USP21: variants seen among roughly 807,000 people sequenced by gnomAD.
USP21 encodes the protein ubiquitin specific peptidase 21, also known as ubiquitin carboxyl-terminal hydrolase 21.
In USP21, 37 loss-of-function variants were observed where a neutral mutation model predicts 70.8. The ratio of observed to expected loss-of-function variants is 0.52; its 90% CI spans 0.40 to 0.69. USP21 has a LOEUF of 0.69. USP21 is among the 30% of genes least tolerant of loss of function. USP21 has a pLI of 0.00. For missense variants in USP21, 584 were observed against 740.8 expected (o/e 0.79, Z 2.46); for synonymous variants, 263 against 283.1 (o/e 0.93, Z 0.71).
rs1437118363 is a variant in USP21, at chr1:161,160,600, A to G, written c.-21-20A>G. 6.3e-7 allele frequency: 1 copy of G among 1,587,082 alleles called. No individual in the cohort carries two copies. On this transcript the variant is annotated intron_variant, in intron 2 of 13. Coordinates refer to ENST00000368002, the MANE Select transcript of USP21 (RefSeq NM_001014443.3). ...CATTTCCCCCCATATTCAAATGCTG[A>G]CACTCTCTTCTCCTCCCAGGTCCAG... is the stretch of plus-strand genomic sequence containing the variant.
rs371627593 is a variant in USP21 at position 161,164,965 on chromosome 1, T to G, written c.1492+23T>G. Reference sequence around the variant, plus strand: ...CCGGTGAGTCTGGTGGGGAAAGTCCTAAGGAGCCAAAGGAGTGGGGGCACA... The same window carrying G: ...CCGGTGAGTCTGGTGGGGAAAGTCCGAAGGAGCCAAAGGAGTGGGGGCACA... On this transcript the variant is annotated intron_variant, in intron 12 of 13. Coordinates refer to ENST00000368002, the MANE Select transcript of USP21 (RefSeq NM_001014443.3). The surrounding 1 kb of genome is among the most constrained non-coding windows in gnomAD (Gnocchi z 4.2). 1.9e-6 allele frequency: 3 copies of G among 1,613,612 alleles called. No individual in the cohort carries two copies. The highest frequency in any genetic ancestry group is 2.5e-6 in the Non-Finnish European group (3 of 1,179,624).
In USP21 at chr1:161,162,748, G is replaced by T; in HGVS notation, c.893+22G>T. ...ACAGGTGGGAGAGCTGGAGGCTATG[G>T]GATTTCTCTCTGGCCATGTCTGGGG... On this transcript the variant is annotated intron_variant, in intron 6 of 13. Coordinates refer to ENST00000368002, the MANE Select transcript of USP21 (RefSeq NM_001014443.3). This position sits in a 1 kb window ranked among gnomAD's most constrained non-coding sequence, Gnocchi z 4.1. 6.2e-7 allele frequency: 1 copy of T among 1,601,338 alleles called. No individual in the cohort carries two copies. Among genetic ancestry groups the T allele is most frequent in the Non-Finnish European group, 8.6e-7 (1 of 1,168,380 alleles).
intron 1 of USP21, 122 bp from the exon 2 acceptor site, chr1:161,160,244 A>T (rs936942085): frequency 5.0e-6 from 1 of 199,618 alleles, no homozygotes; most frequent in African/African-American, 2.3e-5. Flanking sequence ...TTCAGTAAAG[A>T]TGTGTTCTGC....
Position 161,163,881 on chromosome 1 carries a change from T to C in USP21, c.1118T>C (p.Leu373Pro). The change falls in exon 9 of 14, where the codon CTG becomes CCG. Residue 373 changes from leucine to proline, a missense_variant. Transcript: ENST00000368002. The stretch of plus-strand genomic sequence containing the variant: ...CTGTCCCTGTGCTTCTGTCTAGACC[T>C]GTTTGTGGGCCAGTTGAAAAGTTGT... ...LEREDSKIVDLFVGQLKSCLK... is the reference protein window; with the variant it reads ...LEREDSKIVDPFVGQLKSCLK... The C allele has an allele frequency of 6.2e-7, 1 of 1,613,864 alleles. No individual in the cohort carries two copies. The highest frequency in any genetic ancestry group is 8.5e-7 in the Non-Finnish European group (1 of 1,179,794).
In USP21 at chr1:161,162,455, C is replaced by A; in HGVS notation, c.781+65C>A. 6.4e-7 allele frequency: 1 copy of A among 1,567,142 alleles called. No homozygotes were observed. The highest frequency in any genetic ancestry group is 8.7e-7 in the Non-Finnish European group (1 of 1,154,284). Reference sequence around the variant, plus strand: ...TTTCCCCAACCACTTGCAGGTCCATCTGCCACTGGTGGTGGCCCCCAACCC... The same window carrying A: ...TTTCCCCAACCACTTGCAGGTCCATATGCCACTGGTGGTGGCCCCCAACCC... On this transcript the variant is annotated intron_variant, in intron 5 of 13. Coordinates refer to ENST00000368002, the MANE Select transcript of USP21 (RefSeq NM_001014443.3). This position sits in a 1 kb window ranked among gnomAD's most constrained non-coding sequence, Gnocchi z 4.1.
In USP21 at chr1:161,164,826, A is replaced by G; in HGVS notation, c.1385-9A>G. ...ACTGCCTCCCAAATGCTCCTTAACC[A>G]GGGCTTAGATCTGAATCGATTTTCT... On this transcript the variant is annotated splice_polypyrimidine_tract_variant and intron_variant, in intron 11 of 13. Coordinates refer to ENST00000368002, the MANE Select transcript of USP21 (RefSeq NM_001014443.3). This position sits in a 1 kb window ranked among gnomAD's most constrained non-coding sequence, Gnocchi z 4.2. 3 of 1,612,242 alleles carry G rather than the reference A, an allele frequency of 1.9e-6. No homozygotes were observed. The highest frequency in any genetic ancestry group is 2.5e-6 in the Non-Finnish European group (3 of 1,179,024).
rs1361631774 is a variant in USP21 at position 161,162,925 on chromosome 1, G to A, written c.900G>A (p.Gln300=). Residue 300 remains glutamine, a synonymous_variant, in exon 7 of 14, where the codon CAG becomes CAA. Coordinates refer to ENST00000368002, the MANE Select transcript of USP21 (RefSeq NM_001014443.3). The surrounding 1 kb of genome is among the most constrained non-coding windows in gnomAD (Gnocchi z 4.1). ...YVPSFSGYSQ[Q]DAQEFLKLLM... is the part of the protein sequence containing the mutation. The stretch of plus-strand genomic sequence containing the variant: ...ACTCTTTGTCTGGCTGTAGCCAGCA[G>A]GATGCCCAAGAGTTCCTGAAGCTCC... The A allele has an allele frequency of 6.2e-7, 1 of 1,609,424 alleles. No individual in the cohort carries two copies. Among genetic ancestry groups the A allele is most frequent in the Admixed American group, 1.7e-5 (1 of 58,852 alleles).
At position 161,163,084 on chromosome 1, in the gene USP21, G is replaced by A. The variant is rs527577509; in HGVS notation, c.1049+10G>A. On this transcript the variant is annotated intron_variant, in intron 7 of 13. Coordinates refer to ENST00000368002, the MANE Select transcript of USP21 (RefSeq NM_001014443.3). ...AAGAACCTGAGTTAAGGTAAGGGTCGTTCCCTCTACCTCCTTTCCCCGTAG... is the reference window on the plus strand; with the variant it reads ...AAGAACCTGAGTTAAGGTAAGGGTCATTCCCTCTACCTCCTTTCCCCGTAG... 5.0e-6 allele frequency: 8 copies of A among 1,584,816 alleles called. No homozygotes were observed. Among genetic ancestry groups the A allele is most frequent in the East Asian group, 4.5e-5 (2 of 44,642 alleles).
Position 161,162,448 on chromosome 1 carries a change from G to C in USP21, c.781+58G>C, listed in dbSNP as rs1658001359. On this transcript the variant is annotated intron_variant, in intron 5 of 13. Transcript: ENST00000368002. This position sits in a 1 kb window ranked among gnomAD's most constrained non-coding sequence, Gnocchi z 4.1. ...GTCCCTTTTTCCCCAACCACTTGCA[G>C]GTCCATCTGCCACTGGTGGTGGCCC... is the stretch of plus-strand genomic sequence containing the variant. 6.4e-7 allele frequency: 1 copy of C among 1,567,328 alleles called. No individual in the cohort carries two copies. The highest frequency in any genetic ancestry group is 8.7e-7 in the Non-Finnish European group (1 of 1,154,822).
In USP21 at chr1:161,163,870, C is replaced by T. The variant is rs1558005534; in HGVS notation, c.1115-8C>T. ...GACCTTTTCTCCTGTCCCTGTGCTT[C>T]TGTCTAGACCTGTTTGTGGGCCAGT... On this transcript the variant is annotated splice_region_variant and splice_polypyrimidine_tract_variant and intron_variant, in intron 8 of 13. Transcript: ENST00000368002. The T allele has an allele frequency of 1.9e-6, 3 of 1,612,244 alleles. No homozygotes were observed. Among genetic ancestry groups the T allele is most frequent in the Non-Finnish European group, 2.5e-6 (3 of 1,178,270 alleles).
chr1:161,162,412 C>T lies in USP21; in HGVS notation c.781+22C>T, dbSNP rs748755953. The T allele has an allele frequency of 1.2e-5, 19 of 1,587,786 alleles. No homozygotes were observed. The African/African-American group carries it at 2.2e-4, about 18-fold the overall frequency. Reference sequence around the variant, plus strand: ...GAAGGTGGGGCAACAACTCCTGCTCCCTCTGTTCAAGTCCCTTTTTCCCCA... The same window carrying T: ...GAAGGTGGGGCAACAACTCCTGCTCTCTCTGTTCAAGTCCCTTTTTCCCCA... On this transcript the variant is annotated intron_variant, in intron 5 of 13. Transcript: ENST00000368002. This position sits in a 1 kb window ranked among gnomAD's most constrained non-coding sequence, Gnocchi z 4.1.
chr1:161,163,527 G>T (rs201152595), intron 7 of USP21, 28 bp from the exon 8 acceptor site: 4 of 1,611,804 alleles, frequency 2.5e-6, no homozygotes, highest in Non-Finnish European at 3.4e-6. Flanking sequence ...TCTCATGGGT[G>T]CTCCCCACTT....
Position 161,164,754 on chromosome 1 carries a change from G to C in USP21, c.1385-81G>C, listed in dbSNP as rs1156299534. The C allele has an allele frequency of 6.3e-7, 1 of 1,596,160 alleles. No homozygotes were observed. The highest frequency in any genetic ancestry group is 8.6e-7 in the Non-Finnish European group (1 of 1,169,532). On this transcript the variant is annotated intron_variant, in intron 11 of 13. Coordinates refer to ENST00000368002, the MANE Select transcript of USP21 (RefSeq NM_001014443.3). The surrounding 1 kb of genome is among the most constrained non-coding windows in gnomAD (Gnocchi z 4.2). ...AAGATGCTCCCAGTGTGTCGGGAGT[G>C]GGGAGAGGACAGCTTTCAGGATAGA...
At position 161,162,673 on chromosome 1, in the gene USP21, T is replaced by C; in HGVS notation, c.840T>C (p.Pro280=). The change falls in exon 6 of 14, where the codon CCT becomes CCC. Residue 280 remains proline (P), a synonymous_variant. Transcript: ENST00000368002. This position sits in a 1 kb window ranked among gnomAD's most constrained non-coding sequence, Gnocchi z 4.1. ...CTGACTCCTGCGAAGCTGTGAATCC[T>C]ACTCGATTCCGAGCTGTCTTCCAGA... The part of the protein sequence containing the change: ...WHPDSCEAVN[P]TRFRAVFQKY... The C allele has an allele frequency of 1.2e-6, 2 of 1,614,194 alleles. No homozygotes were observed. The highest frequency in any genetic ancestry group is 2.2e-5 in the East Asian group (1 of 44,884).
At chr1:161,159,943 C>T (rs1056591126) in intron 1 of USP21, among the ~76,000 whole-genome samples, 4 of 152,180 alleles carry the variant, frequency 2.6e-5, no homozygotes, top group Non-Finnish European at 4.4e-5. Flanking sequence ...GATTAAGGGT[C>T]AAGGAGTTGT....
intron 1 of USP21, among the ~76,000 whole-genome samples, 165 bp downstream of exon 1, chr1:161,159,843 G>A (rs1422728355): frequency 1.3e-5 from 2 of 152,208 alleles, no homozygotes; most frequent in African/African-American, 4.8e-5. Context: ...ATACGCCGCC[G>A]GATTCCGTAG....
chr1:161,164,592 T>C lies in USP21; in HGVS notation c.1364T>C (p.Phe455Ser). ...ACCAAAAAGTTGACAGTACAAAGAT[T>C]CCCTCGAATCCTCGTGCTCCATATC... The part of the protein sequence containing the change: ...RSTKKLTVQR[F>S]PRILVLHLNR... Residue 455 changes from phenylalanine (F) to serine (S), a missense_variant, in exon 11 of 14, where the codon TTC (phenylalanine) becomes TCC (serine). By Grantham distance (155) the Phe-to-Ser change is radical (BLOSUM62 -2). Around this residue, in one of 4 missense-constraint regions of USP21, gnomAD observed 173 missense variants for 268.2 expected, o/e 0.65. Coordinates refer to ENST00000368002, the MANE Select transcript of USP21 (RefSeq NM_001014443.3). The surrounding 1 kb of genome is among the most constrained non-coding windows in gnomAD (Gnocchi z 4.2). The C allele has an allele frequency of 6.2e-7, 1 of 1,614,190 alleles. No individual in the cohort carries two copies. The highest frequency in any genetic ancestry group is 8.5e-7 in the Non-Finnish European group (1 of 1,180,026).
rs1240523510 is a variant in USP21 at position 161,163,003 on chromosome 1, G to A, written c.978G>A (p.Pro326=). The A allele has an allele frequency of 5.0e-6, 8 of 1,613,812 alleles. No individual in the cohort carries two copies. Among genetic ancestry groups the A allele is most frequent in the Admixed American group, 1.7e-5 (1 of 59,940 alleles). ...ACCGCCGAGGCCGCCGGGCTCCACCGATACTTGCCAATGGTCCAGTTCCCT... is the reference window on the plus strand; with the variant it reads ...ACCGCCGAGGCCGCCGGGCTCCACCAATACTTGCCAATGGTCCAGTTCCCT... ...EINRRGRRAP[P]ILANGPVPSP... The change falls in exon 7 of 14, where the codon CCG becomes CCA. Residue 326 remains proline (P), a synonymous_variant. Transcript: ENST00000368002.
At position 161,164,775 on chromosome 1, in the gene USP21, A is replaced by G; in HGVS notation, c.1385-60A>G. 6.3e-7 allele frequency: 1 copy of G among 1,597,836 alleles called. No individual in the cohort carries two copies. The highest frequency in any genetic ancestry group is 1.1e-5 in the South Asian group (1 of 89,422). On this transcript the variant is annotated intron_variant, in intron 11 of 13. Coordinates refer to ENST00000368002, the MANE Select transcript of USP21 (RefSeq NM_001014443.3). This position sits in a 1 kb window ranked among gnomAD's most constrained non-coding sequence, Gnocchi z 4.2. ...GAGTGGGGAGAGGACAGCTTTCAGG[A>G]TAGAAGAAGTTCCCCTCAGAGGCCC...
Sources: gnomAD v4.1 joint callset for allele counts (sites outside exome capture counted in the v4.1 genomes callset) on GRCh38, gnomAD v4.1.1 for gene constraint, gnomAD v4.1.1 regional missense constraint, Gnocchi (gnomAD v3.1) non-coding constraint, MANE v1.5 for transcripts, NCBI Gene and HGNC (gene_info 2026-07-23, HGNC 2026-07-21) for gene names.